The following KIF1B variants were observed in gnomAD, a reference collection of about 807,000 sequenced individuals.
The protein encoded by KIF1B is kinesin-like protein KIF1B.
KIF1B carries 76 observed loss-of-function variants against 241.9 expected under a neutral mutation model. That is an observed-to-expected ratio of 0.31 (90% CI 0.26 to 0.38). The LOEUF is 0.38. KIF1B is among the 10% of genes least tolerant of loss of function. KIF1B has a pLI of 1.00. For missense variants in KIF1B, 1,622 were observed against 2,271.4 expected (o/e 0.71, Z 5.81); for synonymous variants, 750 against 796.7 (o/e 0.94, Z 0.99).
rs776534234 is a variant in KIF1B at position 10,292,042 on chromosome 1, C to T, written c.1515-5C>T. On this transcript the variant is annotated splice_region_variant and splice_polypyrimidine_tract_variant and intron_variant, in intron 16 of 48. Coordinates refer to ENST00000676179, the MANE Select transcript of KIF1B (RefSeq NM_001365951.3). ...AGTGTTCTGATATACCTGTTTTTTT[C>T]CTAGAGAGGCTTTGTTGGCTGAGAT... 3 of 1,612,640 alleles carry T rather than the reference C, an allele frequency of 1.9e-6. No individual in the cohort carries two copies. Among genetic ancestry groups the T allele is most frequent in the Admixed American group, 1.7e-5 (1 of 59,932 alleles).
At chr1:10,370,880 T>C (rs1638713940) in intron 44 of KIF1B, among the ~76,000 whole-genome samples, 1 of 152,108 alleles carries the variant, frequency 6.6e-6, no homozygotes, top group Non-Finnish European at 1.5e-5. Context: ...GGAGGATCGC[T>C]GGAGCCCAGG....
At chr1:10,233,518 T>A (rs900542974) in intron 2 of KIF1B, among the ~76,000 whole-genome samples, 10 of 152,080 alleles carry the variant, frequency 6.6e-5, no homozygotes, top group East Asian at 1.9e-4. Context: ...TATATATATT[T>A]AAAAAAATTT....
intron 27 of KIF1B, 143 bp from the exon 28 acceptor site, chr1:10,334,377 C>T: frequency 1.3e-6 from 1 of 750,984 alleles, no homozygotes; most frequent in Non-Finnish European, 2.4e-6. Flanking sequence ...GGAGGCAAAT[C>T]TGAGAGGCTA....
Position 10,306,347 on chromosome 1 carries a change from G to A in KIF1B, c.2115+9101G>A, listed in dbSNP as rs1016612970. On this transcript the variant is annotated intron_variant, in intron 22 of 48. Transcript: ENST00000676179. ...GTACTTGATAGGCTGCTTCAAATCAGTCACTTCAATGCATTTTGTGTAAAC... is the reference window on the plus strand; with the variant it reads ...GTACTTGATAGGCTGCTTCAAATCAATCACTTCAATGCATTTTGTGTAAAC... 57 of 1,047,432 alleles carry A rather than the reference G, an allele frequency of 5.4e-5. No individual in the cohort carries two copies. In the African/African-American group the frequency reaches 9.2e-4, roughly 17 times the overall value. 64.9% of individuals were successfully genotyped at this position (1,047,432 alleles called of 1,614,324 possible). A position where few individuals can be genotyped will look rare whatever the true frequency, so the allele number is the denominator to read the frequency against.
intron 22 of KIF1B, chr1:10,306,111 A>G: frequency 9.6e-7 from 1 of 1,041,676 alleles, no homozygotes; most frequent in Non-Finnish European, 1.2e-6. Context: ...CTTTGCCTCT[A>G]AGAAAATACT....
At chr1:10,330,974 C>T (rs1010356330) in intron 27 of KIF1B, among the ~76,000 whole-genome samples, 4 of 151,936 alleles carry the variant, frequency 2.6e-5, no homozygotes, top group African/African-American at 9.7e-5. Context: ...AAATCAAAGG[C>T]GTGAGGCTGG....
chr1:10,286,479 G>C (rs1393441053), intron 15 of KIF1B, among the ~76,000 whole-genome samples: 1 of 152,222 alleles, frequency 6.6e-6, no homozygotes, highest in African/African-American at 2.4e-5. Flanking sequence ...ACAGAAGCAG[G>C]CAAGGGCAAA....
rs1569867459 is a variant in KIF1B, at chr1:10,345,856, A to C, written c.3700A>C (p.Lys1234Gln). ...AAAACTTTTAAAAGTTCCAGCCACCAAGTTAAACACGATGAGCAAAACCAG... is the reference window on the plus strand; with the variant it reads ...AAAACTTTTAAAAGTTCCAGCCACCCAGTTAAACACGATGAGCAAAACCAG... ...MPLSKPVPATKLNTMSKTSLG... is the reference protein window; with the variant it reads ...MPLSKPVPATQLNTMSKTSLG... The change falls in exon 35 of 49, where the codon AAG (lysine) becomes CAG (glutamine). Residue 1234 changes from lysine to glutamine, a missense_variant. This residue lies in a region of KIF1B where 803 missense variants were observed against 1,112.0 expected (regional missense o/e 0.72). Coordinates refer to ENST00000676179, the MANE Select transcript of KIF1B (RefSeq NM_001365951.3). The C allele has an allele frequency of 6.2e-7, 1 of 1,614,058 alleles. No homozygotes were observed. Among genetic ancestry groups the C allele is most frequent in the Non-Finnish European group, 8.5e-7 (1 of 1,179,912 alleles).
chr1:10,350,946 G>A (rs2102332750), intron 37 of KIF1B, among the ~76,000 whole-genome samples: 1 of 152,064 alleles, frequency 6.6e-6, no homozygotes, highest in East Asian at 1.9e-4. Flanking sequence ...AAATAAGCTG[G>A]GTGTGGTGGC....
intron 2 of KIF1B, among the ~76,000 whole-genome samples, chr1:10,252,805 C>A (rs1483433422): frequency 6.6e-6 from 1 of 151,938 alleles, no homozygotes; most frequent in Non-Finnish European, 1.5e-5. Context: ...CTGCAACCTC[C>A]ACCTCTCGGG....
At chr1:10,279,212 T>C in intron 14 of KIF1B, 74 bp downstream of exon 14, 1 of 983,652 alleles carries the variant, frequency 1.0e-6, no homozygotes, top group Non-Finnish European at 1.6e-6. Flanking sequence ...AGCCTTAAAA[T>C]AAGCTTTGCA....
intron 38 of KIF1B, among the ~76,000 whole-genome samples, chr1:10,353,935 C>T (rs1257922387): frequency 2.0e-5 from 3 of 152,120 alleles, no homozygotes; most frequent in South Asian, 4.2e-4. Flanking sequence ...AATGTTCAGC[C>T]GGGTTTTACC....
In KIF1B at chr1:10,332,501, A is replaced by ATTTTTTTT. The variant is rs568393252; in HGVS notation, c.2925-1994_2925-1987dup. On this transcript the variant is annotated intron_variant, in intron 27 of 48. Coordinates refer to ENST00000676179, the MANE Select transcript of KIF1B (RefSeq NM_001365951.3). ...GTCACCCTGCCTGAAGATAATAGTC[A>ATTTTTTTT]TTTTTTTTTTTTTTTTTTTTTTTTT... is the stretch of plus-strand genomic sequence containing the variant. Among the ~76,000 whole-genome samples, 12 of 58,690 alleles carry ATTTTTTTT rather than the reference A, an allele frequency of 2.0e-4. 1 individual carries two copies. The highest frequency in any genetic ancestry group is 7.2e-4 in the African/African-American group (11 of 15,256). 38.5% of individuals were successfully genotyped at this position (58,690 alleles called of 152,430 possible).
At chr1:10,262,257 T>C (rs1648194061) in intron 5 of KIF1B, among the ~76,000 whole-genome samples, 1 of 152,120 alleles carries the variant, frequency 6.6e-6, no homozygotes, top group African/African-American at 2.4e-5. Flanking sequence ...CAAAGCGATC[T>C]TACCCCCTCA....
In KIF1B at chr1:10,380,789, T is replaced by C. The variant is rs1237673725; in HGVS notation, c.*4202T>C. 1 of 218,412 alleles carries C rather than the reference T, an allele frequency of 4.6e-6. No homozygotes were observed. Among genetic ancestry groups the C allele is most frequent in the African/African-American group, 2.2e-5 (1 of 44,474 alleles). 13.5% of individuals were successfully genotyped at this position (218,412 alleles called of 1,614,324 possible). The stretch of plus-strand genomic sequence containing the variant: ...ACATAGGACTCTAACTTGTGTGCAC[T>C]ACAGTTGTTCACCAGGGCCAGTGAT... On this transcript the variant is annotated 3_prime_UTR_variant, in exon 49 of 49. Coordinates refer to ENST00000676179, the MANE Select transcript of KIF1B (RefSeq NM_001365951.3).
Position 10,365,353 on chromosome 1 carries a change from T to C in KIF1B, c.4513-56T>C. On this transcript the variant is annotated intron_variant, in intron 42 of 48. Coordinates refer to ENST00000676179, the MANE Select transcript of KIF1B (RefSeq NM_001365951.3). This position sits in a 1 kb window ranked among gnomAD's most constrained non-coding sequence, Gnocchi z 4.0. The stretch of plus-strand genomic sequence containing the variant: ...GTGATCATAGCTTTTCACTTTTCTC[T>C]CCTGAGGTCTTAACGAGCTTTGTGT... 1 of 1,614,110 alleles carries C rather than the reference T, an allele frequency of 6.2e-7. No homozygotes were observed.
At chr1:10,284,066 TTTAC>T (rs1649565949) in intron 15 of KIF1B, among the ~76,000 whole-genome samples, 1 of 152,184 alleles carries the variant, frequency 6.6e-6, no homozygotes, top group Non-Finnish European at 1.5e-5. Flanking sequence ...CCCTTGACAT[TTTAC>T]TTACTTCAAA....
At chr1:10,290,981 G>A (rs376199554) in intron 15 of KIF1B, 101 bp from the exon 16 acceptor site, 1 of 836,838 alleles carries the variant, frequency 1.2e-6, no homozygotes, top group South Asian at 1.4e-5. Flanking sequence ...TTTAATTCTG[G>A]CCTGTATCCT....
chr1:10,283,910 G>C (rs1419007132), intron 15 of KIF1B, among the ~76,000 whole-genome samples: 1 of 152,210 alleles, frequency 6.6e-6, no homozygotes, highest in Non-Finnish European at 1.5e-5. Context: ...TAAAAGGCTT[G>C]CCGAAAAACT....
Sources: allele counts gnomAD v4.1 joint callset (sites outside exome capture counted in the v4.1 genomes callset), GRCh38; gene constraint gnomAD v4.1.1; regional missense constraint gnomAD v4.1.1; non-coding constraint Gnocchi (gnomAD v3.1); transcripts MANE v1.5; gene names NCBI Gene and HGNC (gene_info 2026-07-23, HGNC 2026-07-21).